The following PCDHGA12 variants were observed in gnomAD, a reference collection of about 807,000 sequenced individuals.
The protein encoded by PCDHGA12 is protocadherin gamma-A12.
In PCDHGA12, 43 loss-of-function variants were observed where a neutral mutation model predicts 61.1. The observed-to-expected ratio is 0.70, with a 90% CI of 0.55 to 0.91. The LOEUF (loss-of-function observed/expected upper bound fraction) is 0.91. Ranked by LOEUF, PCDHGA12 falls within the 40% of genes least tolerant of loss-of-function variation. The pLI, the probability that PCDHGA12 is intolerant of heterozygous loss-of-function variation, is 0.00. For missense variants in PCDHGA12, 1,236 were observed against 1,227.7 expected (o/e 1.01, Z -0.10); for synonymous variants, 520 against 542.9 (o/e 0.96, Z 0.59).
At chr5:141,504,517 T>C (rs1057166865) in intron 2 of PCDHGA12, among the ~76,000 whole-genome samples, 5 of 151,918 alleles carry the variant, frequency 3.3e-5, no homozygotes, top group African/African-American at 1.2e-4. Context: ...TCTCCTCTGA[T>C]ATATTTTATT....
At chr5:141,482,205 C>T (rs1478729653) in intron 1 of PCDHGA12, among the ~76,000 whole-genome samples, 1 of 151,896 alleles carries the variant, frequency 6.6e-6, no homozygotes, top group Non-Finnish European at 1.5e-5. Context: ...TAAAACAGAC[C>T]AGGTACTTGT....
At chr5:141,463,692 C>A (rs1482988660) in intron 1 of PCDHGA12, among the ~76,000 whole-genome samples, 2 of 151,934 alleles carry the variant, frequency 1.3e-5, no homozygotes, top group Non-Finnish European at 2.9e-5. Flanking sequence ...GTGATCTGCT[C>A]ACCTCGGCCT....
chr5:141,496,839 A>G (rs2099771783), intron 2 of PCDHGA12, among the ~76,000 whole-genome samples: 1 of 151,484 alleles, frequency 6.6e-6, no homozygotes. Flanking sequence ...CAGAACTCAT[A>G]GGCTTCCAGA....
intron 1 of PCDHGA12, among the ~76,000 whole-genome samples, chr5:141,433,790 T>A (rs1052636810): frequency 2.0e-5 from 3 of 151,564 alleles, no homozygotes; most frequent in South Asian, 4.2e-4. Flanking sequence ...TGAGCTGAGA[T>A]TGTGCCATTG....
Position 141,485,060 on chromosome 5 carries a change from G to T in PCDHGA12, c.2425-9747G>T. The T allele has an allele frequency of 1.2e-6, 1 of 862,304 alleles. No individual in the cohort carries two copies. 53.4% of individuals were successfully genotyped at this position (862,304 alleles called of 1,614,324 possible). ...ACCCTTGCGGCGCCGGCCGAACCGC[G>T]CCAGAGCTGGCGCGGGGAAAGGGAG... On this transcript the variant is annotated intron_variant, in intron 1 of 3. Coordinates refer to ENST00000252085, the MANE Select transcript of PCDHGA12 (RefSeq NM_003735.3). The surrounding 1 kb of genome is among the most constrained non-coding windows in gnomAD (Gnocchi z 5.7).
Position 141,485,574 on chromosome 5 carries a change from C to T in PCDHGA12, c.2425-9233C>T. 1 of 1,612,568 alleles carries T rather than the reference C, an allele frequency of 6.2e-7. No homozygotes were observed. Among genetic ancestry groups the T allele is most frequent in the Non-Finnish European group, 8.5e-7 (1 of 1,178,752 alleles). On this transcript the variant is annotated intron_variant, in intron 1 of 3. Transcript: ENST00000252085. This position sits in a 1 kb window ranked among gnomAD's most constrained non-coding sequence, Gnocchi z 5.7. ...GTGAATGATCACGCCCCCCGTTTTCCGCGGCAGCAGCTGGACTTGGAAATT... is the reference window on the plus strand; with the variant it reads ...GTGAATGATCACGCCCCCCGTTTTCTGCGGCAGCAGCTGGACTTGGAAATT...
chr5:141,504,241 A>G (rs1282647590), intron 2 of PCDHGA12, among the ~76,000 whole-genome samples: 1 of 152,156 alleles, frequency 6.6e-6, no homozygotes, highest in Non-Finnish European at 1.5e-5. Flanking sequence ...AGAAGCAGAG[A>G]GTTCTTCTTA....
In PCDHGA12 at chr5:141,477,080, A is replaced by G; in HGVS notation, c.2425-17727A>G. 1.9e-6 allele frequency: 3 copies of G among 1,614,254 alleles called. No homozygotes were observed. The highest frequency in any genetic ancestry group is 2.5e-6 in the Non-Finnish European group (3 of 1,180,042). ...GGACACCAAACTCCATGAGATTTAC[A>G]TCCAGGCCAAAGACAAGGGCGCCAA... On this transcript the variant is annotated intron_variant, in intron 1 of 3. Coordinates refer to ENST00000252085, the MANE Select transcript of PCDHGA12 (RefSeq NM_003735.3). The surrounding 1 kb of genome is among the most constrained non-coding windows in gnomAD (Gnocchi z 4.9).
Position 141,490,440 on chromosome 5 carries a change from T to G in PCDHGA12, c.2425-4367T>G, listed in dbSNP as rs560525159. The G allele has an allele frequency of 6.2e-7, 1 of 1,614,206 alleles. No individual in the cohort carries two copies. The highest frequency in any genetic ancestry group is 1.7e-5 in the Admixed American group (1 of 60,026). On this transcript the variant is annotated intron_variant, in intron 1 of 3. Transcript: ENST00000252085. This position sits in a 1 kb window ranked among gnomAD's most constrained non-coding sequence, Gnocchi z 5.4. ...ACCTGCCATTTCAGATTAAGCCTTCTGAGAACCACTACTCGCTGCTAACCA... is the reference window on the plus strand; with the variant it reads ...ACCTGCCATTTCAGATTAAGCCTTCGGAGAACCACTACTCGCTGCTAACCA...
chr5:141,478,672 A>G (rs1216792401), intron 1 of PCDHGA12: 22 of 1,551,540 alleles, frequency 1.4e-5, no homozygotes, highest in Admixed American at 2.0e-5. Flanking sequence ...CACACTTTCA[A>G]CTGGCCCTTC....
At chr5:141,466,898 A>G (rs1029507733) in intron 1 of PCDHGA12, among the ~76,000 whole-genome samples, 1 of 152,170 alleles carries the variant, frequency 6.6e-6, no homozygotes, top group African/African-American at 2.4e-5. Context: ...TTTTCCATGA[A>G]GTTTTTGAAA....
At chr5:141,504,990 C>T (rs1056476591) in intron 2 of PCDHGA12, among the ~76,000 whole-genome samples, 3 of 151,976 alleles carry the variant, frequency 2.0e-5, no homozygotes, top group Non-Finnish European at 2.9e-5. Context: ...GGTGAAACCC[C>T]GTCTGTACTA....
rs1224515106 is a variant in PCDHGA12 at position 141,491,453 on chromosome 5, C to T, written c.2425-3354C>T. On this transcript the variant is annotated intron_variant, in intron 1 of 3. Transcript: ENST00000252085. The surrounding 1 kb of genome is among the most constrained non-coding windows in gnomAD (Gnocchi z 6.9). ...TGCTGCAGGCGCCAGGACTCACCCT[C>T]CCCGGACTTCTATAAGCAGTCCAGC... The T allele has an allele frequency of 6.2e-6, 10 of 1,614,120 alleles. No homozygotes were observed. The highest frequency in any genetic ancestry group is 8.5e-6 in the Non-Finnish European group (10 of 1,180,028).
At chr5:141,463,629 GTT>G (rs923584581) in intron 1 of PCDHGA12, among the ~76,000 whole-genome samples, 5 of 151,314 alleles carry the variant, frequency 3.3e-5, no homozygotes, top group Middle Eastern at 3.4e-3. Flanking sequence ...TTTGTATTTT[GTT>G]TAGTAGAGAC....
chr5:141,490,584 T>G lies in PCDHGA12; in HGVS notation c.2425-4223T>G, dbSNP rs751060540. 1 of 1,614,170 alleles carries G rather than the reference T, an allele frequency of 6.2e-7. No individual in the cohort carries two copies. Among genetic ancestry groups the G allele is most frequent in the South Asian group, 1.1e-5 (1 of 91,080 alleles). ...TCAGGCTCAACATTTCAGATGTCAA[T>G]GACAATGCACCCCGCTTCAACCAGC... On this transcript the variant is annotated intron_variant, in intron 1 of 3. Transcript: ENST00000252085. This position sits in a 1 kb window ranked among gnomAD's most constrained non-coding sequence, Gnocchi z 5.4.
In PCDHGA12 at chr5:141,485,457, T is replaced by G; in HGVS notation, c.2425-9350T>G. 1 of 1,614,124 alleles carries G rather than the reference T, an allele frequency of 6.2e-7. No individual in the cohort carries two copies. Among genetic ancestry groups the G allele is most frequent in the Non-Finnish European group, 8.5e-7 (1 of 1,180,020 alleles). On this transcript the variant is annotated intron_variant, in intron 1 of 3. Coordinates refer to ENST00000252085, the MANE Select transcript of PCDHGA12 (RefSeq NM_003735.3). This position sits in a 1 kb window ranked among gnomAD's most constrained non-coding sequence, Gnocchi z 5.7. ...AAGAACCCAATCGACCGAGAGGCAC[T>G]GTGTGGGCTCAGTGCCAGCTGCATC...
intron 1 of PCDHGA12, among the ~76,000 whole-genome samples, chr5:141,451,703 A>G (rs975120935): frequency 6.6e-6 from 1 of 152,144 alleles, no homozygotes; most frequent in Non-Finnish European, 1.5e-5. Flanking sequence ...GTAACATGAC[A>G]AAACCCTGCC....
chr5:141,478,143 A>T (rs759384540), intron 1 of PCDHGA12: 1 of 1,614,014 alleles, frequency 6.2e-7, no homozygotes, highest in Non-Finnish European at 8.5e-7. Flanking sequence ...GCCCGAGCCG[A>T]GTTCCCCTCT....
At chr5:141,446,098 A>G (rs375135134) in intron 1 of PCDHGA12, among the ~76,000 whole-genome samples, 2 of 152,350 alleles carry the variant, frequency 1.3e-5, no homozygotes, top group African/African-American at 4.8e-5. Flanking sequence ...TGGATGAATT[A>G]TAGATATATT....
Sources: gnomAD v4.1 joint callset for allele counts (sites outside exome capture counted in the v4.1 genomes callset) on GRCh38, gnomAD v4.1.1 for gene constraint, Gnocchi (gnomAD v3.1) non-coding constraint, MANE v1.5 for transcripts, NCBI Gene and HGNC (gene_info 2026-07-23, HGNC 2026-07-21) for gene names.